NWD2: variants seen among roughly 807,000 people sequenced by gnomAD.
The protein encoded by NWD2 is NACHT and WD repeat domain-containing protein 2.
In NWD2, 37 loss-of-function variants were observed where a neutral mutation model predicts 132.7. That is an observed-to-expected ratio of 0.28 (90% CI 0.21 to 0.37). The LOEUF is 0.37. Ranked by LOEUF, NWD2 falls within the 10% of genes least tolerant of loss-of-function variation. NWD2 has a pLI of 1.00. For synonymous variants in NWD2, 705 were observed against 803.0 expected, an observed-to-expected ratio of 0.88 and a Z score of 2.06; for missense variants, 1,592 against 2,122.4, an observed-to-expected ratio of 0.75 and a Z score of 4.91.
chr4:37,310,053 C>G (rs1718798989), intron 1 of NWD2, among the ~76,000 whole-genome samples: 1 of 152,106 alleles, frequency 6.6e-6, no homozygotes, highest in South Asian at 2.1e-4. Context: ...CATGTTTTTC[C>G]TGTTAGAAAA....
chr4:37,393,613 T>C (rs1720722294), intron 3 of NWD2, among the ~76,000 whole-genome samples: 1 of 152,248 alleles, frequency 6.6e-6, no homozygotes, highest in Non-Finnish European at 1.5e-5. Flanking sequence ...ACCACTATTT[T>C]AATCTTTCTT....
At chr4:37,415,616 A>T (rs887050986) in intron 3 of NWD2, among the ~76,000 whole-genome samples, 1 of 151,222 alleles carries the variant, frequency 6.6e-6, no homozygotes, top group African/African-American at 2.4e-5. Context: ...AGGCAGGAAA[A>T]TGGCGTGAAC....
chr4:37,432,887 T>C (rs1006268181), intron 4 of NWD2, among the ~76,000 whole-genome samples: 3 of 152,114 alleles, frequency 2.0e-5, no homozygotes, highest in African/African-American at 4.8e-5. Flanking sequence ...TTGAGTAGAA[T>C]ATTTAGGGAG....
chr4:37,353,398 A>AG (rs1719808753), intron 2 of NWD2, among the ~76,000 whole-genome samples: 1 of 152,148 alleles, frequency 6.6e-6, no homozygotes, highest in Non-Finnish European at 1.5e-5. Context: ...CTGTCTTACT[A>AG]GGTTGGGGAA....
At chr4:37,392,375 G>T (rs574693737) in intron 3 of NWD2, among the ~76,000 whole-genome samples, 15 of 152,188 alleles carry the variant, frequency 9.9e-5, no homozygotes, top group African/African-American at 3.4e-4. Flanking sequence ...ATTTAGATCC[G>T]GGTTTCCCAG....
intron 3 of NWD2, among the ~76,000 whole-genome samples, chr4:37,386,707 A>G (rs1190394009): frequency 1.3e-5 from 2 of 152,050 alleles, no homozygotes; most frequent in Admixed American, 1.3e-4. Context: ...GTCCCCTCCA[A>G]ATCTCATGGT....
intron 1 of NWD2, among the ~76,000 whole-genome samples, chr4:37,310,795 C>T (rs1222713039): frequency 4.4e-5 from 5 of 114,584 alleles, no homozygotes; most frequent in African/African-American, 1.0e-4. Context: ...CCCCCCACCC[C>T]ACAACAGTCC....
intron 3 of NWD2, among the ~76,000 whole-genome samples, chr4:37,364,343 G>A (rs1720048172): frequency 6.6e-6 from 1 of 152,096 alleles, no homozygotes; most frequent in African/African-American, 2.4e-5. Flanking sequence ...GCATTGGCAG[G>A]TGACCCTAGA....
intron 3 of NWD2, among the ~76,000 whole-genome samples, chr4:37,394,799 G>GT (rs1175840735): frequency 0.024 from 1,269 of 52,378 alleles, 320 homozygotes; most frequent in African/African-American, 0.078. Context: ...AACCTTTATG[G>GT]TTTTTTTTTT....
At chr4:37,396,049 C>T (rs1208244656) in intron 3 of NWD2, among the ~76,000 whole-genome samples, 1 of 152,114 alleles carries the variant, frequency 6.6e-6, no homozygotes, top group Admixed American at 6.5e-5. Flanking sequence ...GTTCCTTCTC[C>T]TATGTGTCCT....
chr4:37,264,586 A>C (rs1296455392), intron 1 of NWD2, among the ~76,000 whole-genome samples: 1 of 152,092 alleles, frequency 6.6e-6, no homozygotes, highest in African/African-American at 2.4e-5. Context: ...TAGCGCTATA[A>C]AATTCCCTGC....
intron 6 of NWD2, among the ~76,000 whole-genome samples, chr4:37,442,593 A>G (rs865962330): frequency 6.6e-5 from 10 of 152,186 alleles, no homozygotes; most frequent in Middle Eastern, 3.2e-3. Flanking sequence ...CTACATGTAT[A>G]TAAAATCAAC....
At chr4:37,290,135 G>C (rs1308343530) in intron 1 of NWD2, among the ~76,000 whole-genome samples, 1 of 152,130 alleles carries the variant, frequency 6.6e-6, no homozygotes, top group Non-Finnish European at 1.5e-5. Flanking sequence ...CTGTCCTTAA[G>C]AAATTAGATG....
chr4:37,379,122 G>C (rs1162509913), intron 3 of NWD2, among the ~76,000 whole-genome samples: 8 of 152,156 alleles, frequency 5.3e-5, no homozygotes, highest in African/African-American at 1.9e-4. Flanking sequence ...TGGTAATTCA[G>C]TGGAAAACCA....
chr4:37,357,683 G>A (rs543464098), intron 3 of NWD2, among the ~76,000 whole-genome samples: 45 of 152,260 alleles, frequency 3.0e-4, no homozygotes, highest in African/African-American at 1.0e-3. Flanking sequence ...ACATTCTAAT[G>A]TGGGTGGAAG....
chr4:37,284,820 C>G (rs1030336659), intron 1 of NWD2, among the ~76,000 whole-genome samples: 8 of 152,146 alleles, frequency 5.3e-5, no homozygotes, highest in Non-Finnish European at 1.2e-4. Context: ...CAGCTGTGCA[C>G]TCTCCTTGTG....
intron 2 of NWD2, among the ~76,000 whole-genome samples, chr4:37,348,581 CTTTTTTTT>C (rs57331750): frequency 3.1e-4 from 23 of 75,392 alleles, no homozygotes; most frequent in Admixed American, 6.0e-4. Context: ...TTTCCTTTTT[CTTTTTTTT>C]TTTTTTTTTT....
In NWD2 at chr4:37,430,688, G is replaced by A; in HGVS notation, c.474G>A (p.Glu158=). Residue 158 remains glutamate (E), a synonymous_variant, in exon 4 of 7, where the codon GAG becomes GAA. Transcript: ENST00000309447. ...CAAAGCTGGAGACCAAGTTGCTGGA[G>A]GAGTGGTACTGTCGAGATGAGAACT... ...IEAKLETKLL[E]EWYCRDENSV... is the part of the protein sequence containing the mutation. 1.3e-6 allele frequency: 2 copies of A among 1,551,600 alleles called. No homozygotes were observed.
intron 3 of NWD2, among the ~76,000 whole-genome samples, chr4:37,420,328 C>T (rs539599478): frequency 2.6e-5 from 4 of 152,328 alleles, no homozygotes; most frequent in Admixed American, 2.6e-4. Context: ...ACTCCACCCT[C>T]TTTCCACTCT....
Sources: gnomAD v4.1 joint callset for allele counts (sites outside exome capture counted in the v4.1 genomes callset) on GRCh38, gnomAD v4.1.1 for gene constraint, MANE v1.5 for transcripts, NCBI Gene and HGNC (gene_info 2026-07-23, HGNC 2026-07-21) for gene names.